SORBS2: variants seen among roughly 807,000 people sequenced by gnomAD.
SORBS2 encodes the protein sorbin and SH3 domain containing 2.
SORBS2 carries 46 observed loss-of-function variants against 97.7 expected under a neutral mutation model. That is an observed-to-expected ratio of 0.47 (90% confidence interval 0.37 to 0.60). The LOEUF (loss-of-function observed/expected upper bound fraction) is 0.60. Among genes scored for constraint, SORBS2 ranks in the 20% least tolerant of loss-of-function variants. The pLI is 0.00. For missense variants in SORBS2, 1,316 were observed against 1,282.3 expected, an observed-to-expected ratio of 1.03 and a Z score of -0.40; for synonymous variants, 476 against 473.4, an observed-to-expected ratio of 1.01 and a Z score of -0.07.
At chr4:185,791,066 C>A (rs890801653) in intron 1 of SORBS2, among the ~76,000 whole-genome samples, 1 of 152,152 alleles carries the variant, frequency 6.6e-6, no homozygotes, top group South Asian at 2.1e-4. Flanking sequence ...TAAAATGCCA[C>A]TTTTCATAAA....
intron 4 of SORBS2, among the ~76,000 whole-genome samples, chr4:185,669,177 T>C (rs941448949): frequency 6.6e-6 from 1 of 152,062 alleles, no homozygotes; most frequent in African/African-American, 2.4e-5. Context: ...GTGGAAAAAG[T>C]GTATTGAGTT....
intron 1 of SORBS2, among the ~76,000 whole-genome samples, chr4:185,867,570 T>A (rs2099227664): frequency 6.6e-6 from 1 of 152,180 alleles, no homozygotes; most frequent in Admixed American, 6.5e-5. Context: ...GAGGGAGGAA[T>A]GATCACATTT....
intron 1 of SORBS2, among the ~76,000 whole-genome samples, chr4:185,898,788 G>A (rs368629576): frequency 6.8e-4 from 104 of 152,290 alleles, no homozygotes; most frequent in African/African-American, 2.4e-3. Context: ...TTTGGATACC[G>A]TGAGCTTCAC....
intron 1 of SORBS2, among the ~76,000 whole-genome samples, chr4:185,879,851 GC>G (rs2099235987): frequency 6.6e-6 from 1 of 152,238 alleles, no homozygotes. Context: ...TGGAGCATCA[GC>G]ACGGTGAGGG....
Position 185,607,206 on chromosome 4 carries a change from A to C in SORBS2, c.2796+4574T>G. 8.7e-7 allele frequency: 1 copy of C among 1,146,098 alleles called. No homozygotes were observed. The highest frequency in any genetic ancestry group is 1.1e-6 in the Non-Finnish European group (1 of 920,866). The allele number at this position is 1,146,098 out of a possible 1,614,324, so 71.0% of individuals were successfully genotyped here. A position where few individuals can be genotyped will look rare whatever the true frequency, so the allele number is the denominator to read the frequency against. On this transcript the variant is annotated intron_variant, in intron 12 of 14. Coordinates refer to ENST00000418609, the Ensembl canonical transcript of SORBS2. The surrounding 1 kb of genome is among the most constrained non-coding windows in gnomAD (Gnocchi z 5.2). ...CACCCAAGAAGTTGTCCAGGAAACG[A>C]GGTGGTGTTGGGGCCAAAGGGTTTG...
intron 1 of SORBS2, among the ~76,000 whole-genome samples, chr4:185,821,122 G>T (rs1359992777): frequency 6.6e-6 from 1 of 151,808 alleles, no homozygotes; most frequent in East Asian, 1.9e-4. Flanking sequence ...GCCCACGCCC[G>T]GGGGGCAAGG....
intron 2 of SORBS2, among the ~76,000 whole-genome samples, chr4:185,694,706 CT>C (rs1200094039): frequency 1.6e-5 from 2 of 124,240 alleles, no homozygotes; most frequent in African/African-American, 3.0e-5. Context: ...CCTTTTCTTT[CT>C]TTTCTTTTCT....
Position 185,589,745 on chromosome 4 carries a change from C to A in SORBS2, c.2887G>T (p.Glu963Ter). Reference sequence around the variant, plus strand: ...ACATCACTTTCTCTGAGCTCCAGCTCATCTTCATTCCTGGGAGTATAGTTA... The same window carrying A: ...ACATCACTTTCTCTGAGCTCCAGCTAATCTTCATTCCTGGGAGTATAGTTA... Residue 963 changes from glutamate to a stop codon, truncating the protein, a stop_gained, in exon 14 of 15, where the codon GAG (glutamate) becomes TAG (stop). Coordinates refer to ENST00000418609, the Ensembl canonical transcript of SORBS2. LOFTEE classifies it high-confidence loss of function. 6.2e-7 allele frequency: 1 copy of A among 1,612,522 alleles called. No homozygotes were observed. The highest frequency in any genetic ancestry group is 1.1e-5 in the South Asian group (1 of 91,038).
chr4:185,699,251 T>C (rs1055243515), intron 2 of SORBS2, among the ~76,000 whole-genome samples: 1 of 151,818 alleles, frequency 6.6e-6, no homozygotes, highest in Admixed American at 6.6e-5. Flanking sequence ...AAGTAATACA[T>C]TACTTACAAA....
intron 2 of SORBS2, among the ~76,000 whole-genome samples, chr4:185,710,576 C>T (rs2098410345): frequency 1.3e-5 from 2 of 152,156 alleles, no homozygotes; most frequent in Non-Finnish European, 2.9e-5. Flanking sequence ...TTTTTTCTTT[C>T]CTACATGCTG....
chr4:185,882,232 T>C (rs912094078), intron 1 of SORBS2, among the ~76,000 whole-genome samples: 3 of 152,158 alleles, frequency 2.0e-5, no homozygotes, highest in Non-Finnish European at 4.4e-5. Flanking sequence ...CTGGAACTAA[T>C]GAGTGGGTCT....
At chr4:185,763,185 TCAAAAA>T (rs59643716) in intron 2 of SORBS2, among the ~76,000 whole-genome samples, 39,179 of 151,348 alleles carry the variant, frequency 0.26, 5,314 homozygotes, top group Admixed American at 0.33. Context: ...AGAGACTCTC[TCAAAAA>T]CAAAAACAAA....
At chr4:185,677,610 C>T (rs1406962993) in intron 4 of SORBS2, 49 of 1,522,626 alleles carry the variant, frequency 3.2e-5, no homozygotes, top group Non-Finnish European at 4.1e-5. Flanking sequence ...GCTATGAAAG[C>T]TCTCTTTTCT....
In SORBS2 at chr4:185,628,109, A is replaced by T. The variant is rs537218032; in HGVS notation, c.447-1090T>A. ...ATTGAAGGACATCTTGGTTGCTTCC[A>T]ACTTCTAGCAATTATAAATAATGCT... On this transcript the variant is annotated intron_variant, in intron 5 of 14. Coordinates refer to ENST00000418609, the Ensembl canonical transcript of SORBS2. Among the ~76,000 whole-genome samples, 9 of 152,326 alleles carry T rather than the reference A, an allele frequency of 5.9e-5. No individual in the cohort carries two copies. The South Asian group carries it at 1.9e-3, about 32-fold the overall frequency.
At chr4:185,790,920 G>A (rs2099077195) in intron 1 of SORBS2, among the ~76,000 whole-genome samples, 1 of 152,138 alleles carries the variant, frequency 6.6e-6, no homozygotes. Flanking sequence ...GCTGATTTTG[G>A]TACTTAGCTA....
intron 4 of SORBS2, among the ~76,000 whole-genome samples, chr4:185,644,610 T>C (rs542107621): frequency 1.3e-5 from 2 of 152,310 alleles, no homozygotes; most frequent in South Asian, 4.1e-4. Context: ...GGCGAGCTAA[T>C]GTGTGTTTCA....
intron 2 of SORBS2, among the ~76,000 whole-genome samples, chr4:185,698,073 G>C (rs781248092): frequency 4.2e-4 from 64 of 152,138 alleles, no homozygotes; most frequent in Non-Finnish European, 8.7e-4. Context: ...AGACATTTGA[G>C]GATAAGATAA....
chr4:185,823,995 A>G lies in SORBS2; in HGVS notation c.-337-48629T>C, dbSNP rs1032605377. Among the ~76,000 whole-genome samples, 6 of 152,340 alleles carry G rather than the reference A, an allele frequency of 3.9e-5. No individual in the cohort carries two copies. The East Asian group carries it at 9.6e-4, about 24-fold the overall frequency. ...AGGAATACCTCTTACAAGTTAGGTC[A>G]TCTTGGGCAGCCTACTTAACTCTCA... On this transcript the variant is annotated intron_variant, in intron 1 of 20. Transcript: ENST00000284776.
intron 9 of SORBS2, among the ~76,000 whole-genome samples, chr4:185,616,282 G>A (rs778444425): frequency 3.3e-5 from 5 of 151,802 alleles, no homozygotes; most frequent in Admixed American, 1.3e-4. Flanking sequence ...AGAATTAATC[G>A]AAAAAATGGT....
Sources: gnomAD v4.1 joint callset for allele counts (sites outside exome capture counted in the v4.1 genomes callset) on GRCh38, gnomAD v4.1.1 for gene constraint, Gnocchi (gnomAD v3.1) non-coding constraint, MANE v1.5 for transcripts, NCBI Gene and HGNC (gene_info 2026-07-23, HGNC 2026-07-21) for gene names.